The following MVB12B variants were observed in gnomAD, a reference collection of about 807,000 sequenced individuals.
MVB12B encodes the protein ESCRT-I complex subunit MVB12B.
A neutral mutation model predicts 41.6 loss-of-function variants in MVB12B; 16 were observed. The ratio of observed to expected loss-of-function variants is 0.38; its 90% CI spans 0.26 to 0.58. MVB12B has a LOEUF of 0.58. Among genes scored for constraint, MVB12B ranks in the 20% least tolerant of loss-of-function variants. The pLI, the probability that MVB12B is intolerant of heterozygous loss-of-function variation, is 0.62. For missense variants in MVB12B, 274 were observed against 380.2 expected, an observed-to-expected ratio of 0.72 and a Z score of 2.32; for synonymous variants, 133 against 139.7, an observed-to-expected ratio of 0.95 and a Z score of 0.34.
chr9:126,408,999 G>T (rs1195504967), intron 6 of MVB12B, among the ~76,000 whole-genome samples: 1 of 152,064 alleles, frequency 6.6e-6, no homozygotes, highest in Non-Finnish European at 1.5e-5. Context: ...GGTTTGGATG[G>T]CCACCTTGTC....
intron 6 of MVB12B, chr9:126,397,323 A>T (rs1220418854): frequency 1.0e-6 from 1 of 985,314 alleles, no homozygotes; most frequent in African/African-American, 1.7e-5. Context: ...TGACTGTGAG[A>T]GCAAAGTCAC....
intron 2 of MVB12B, among the ~76,000 whole-genome samples, chr9:126,364,392 T>C (rs1038167048): frequency 6.6e-6 from 1 of 152,174 alleles, no homozygotes; most frequent in African/African-American, 2.4e-5. Flanking sequence ...CAGGGCCCCT[T>C]TGTTAAAACC....
At chr9:126,490,874 C>A (rs538533378) in intron 9 of MVB12B, among the ~76,000 whole-genome samples, 2 of 152,304 alleles carry the variant, frequency 1.3e-5, no homozygotes, top group South Asian at 2.1e-4. Context: ...GTGGAATGTT[C>A]TTTAAATGAA....
rs760736690 is a variant in MVB12B at position 126,503,193 on chromosome 9, G to A, written c.890G>A (p.Arg297His). The A allele has an allele frequency of 1.8e-5, 28 of 1,550,728 alleles. No individual in the cohort carries two copies. The highest frequency in any genetic ancestry group is 7.3e-5 in the East Asian group (3 of 40,936). Residue 297 changes from arginine to histidine, a missense_variant, in exon 10 of 10, where the codon CGC (arginine) becomes CAC (histidine). Coordinates refer to ENST00000361171, the MANE Select transcript of MVB12B (RefSeq NM_033446.3). ...EIEKEYEYSFRTEQSAAARLP... is the reference protein window; with the variant it reads ...EIEKEYEYSFHTEQSAAARLP... ...CCCCTGCAGTACGAGTACAGCTTCC[G>A]CACAGAGCAGAGCGCAGCCGCCAGG...
At chr9:126,397,643 C>T (rs760961426) in intron 6 of MVB12B, 240 of 985,256 alleles carry the variant, frequency 2.4e-4, no homozygotes, top group Non-Finnish European at 2.7e-4. Flanking sequence ...CCCAAGTTCT[C>T]CTGTGCGGTA....
At chr9:126,496,207 A>ACCCATCCATCCC (rs1833828892) in intron 9 of MVB12B, among the ~76,000 whole-genome samples, 1 of 21,064 alleles carries the variant, frequency 4.7e-5, no homozygotes, top group African/African-American at 1.9e-4. Context: ...CCACCTACCC[A>ACCCATCCATCCC]CCCGTCCATC....
At chr9:126,407,862 G>A (rs1831491975) in intron 6 of MVB12B, among the ~76,000 whole-genome samples, 1 of 152,130 alleles carries the variant, frequency 6.6e-6, no homozygotes, top group South Asian at 2.1e-4. Context: ...GGAGCAGAAT[G>A]GTTCAGAAAC....
intron 6 of MVB12B, among the ~76,000 whole-genome samples, chr9:126,404,366 G>A (rs1354526511): frequency 6.6e-6 from 1 of 152,214 alleles, no homozygotes; most frequent in Non-Finnish European, 1.5e-5. Context: ...AGGTCATACA[G>A]TTAGCAAGTG....
intron 7 of MVB12B, among the ~76,000 whole-genome samples, chr9:126,434,782 T>A (rs921312492): frequency 1.3e-5 from 2 of 152,228 alleles, no homozygotes; most frequent in East Asian, 3.8e-4. Context: ...TGGCTATTTA[T>A]GCTTCTTGTA....
chr9:126,451,220 T>C (rs1832882167), intron 7 of MVB12B, among the ~76,000 whole-genome samples: 1 of 152,186 alleles, frequency 6.6e-6, no homozygotes, highest in Admixed American at 6.5e-5. Flanking sequence ...CGTCTTTGAC[T>C]GTAGAAACAA....
At chr9:126,489,936 C>T (rs1363702232) in intron 9 of MVB12B, among the ~76,000 whole-genome samples, 1 of 152,198 alleles carries the variant, frequency 6.6e-6, no homozygotes, top group Admixed American at 6.5e-5. Context: ...GTCCCCTCCC[C>T]TCCAGTTTGG....
intron 2 of MVB12B, among the ~76,000 whole-genome samples, chr9:126,351,643 C>G (rs1829752372): frequency 6.6e-6 from 1 of 152,124 alleles, no homozygotes; most frequent in Non-Finnish European, 1.5e-5. Context: ...GCATGTGCCA[C>G]CATGCCCAGC....
chr9:126,391,106 C>T lies in MVB12B; in HGVS notation c.410-960C>T, dbSNP rs558339542. Among the ~76,000 whole-genome samples, 2 of 152,278 alleles carry T rather than the reference C, an allele frequency of 1.3e-5. No individual in the cohort carries two copies. Among genetic ancestry groups the T allele is most frequent in the South Asian group, 4.1e-4 (2 of 4,830 alleles). Reference sequence around the variant, plus strand: ...GGAACTGTGTGACCGAGGTCCTGGGCCGACGCCAGCAGAGCTCAGCAAGAA... The same window carrying T: ...GGAACTGTGTGACCGAGGTCCTGGGTCGACGCCAGCAGAGCTCAGCAAGAA... On this transcript the variant is annotated intron_variant, in intron 4 of 9. Transcript: ENST00000361171. The surrounding 1 kb of genome is among the most constrained non-coding windows in gnomAD (Gnocchi z 4.4).
chr9:126,399,552 C>G (rs947072210), intron 6 of MVB12B, among the ~76,000 whole-genome samples: 2 of 152,152 alleles, frequency 1.3e-5, no homozygotes, highest in African/African-American at 4.8e-5. Context: ...TCAGAGCAGC[C>G]CCTCCACCGT....
chr9:126,337,864 C>T (rs952627308), intron 1 of MVB12B, among the ~76,000 whole-genome samples: 1 of 152,214 alleles, frequency 6.6e-6, no homozygotes, highest in African/African-American at 2.4e-5. Context: ...AGTCCTTAGC[C>T]GCGGGGCCAT....
chr9:126,377,589 G>A lies in MVB12B; in HGVS notation c.205-3475G>A, dbSNP rs897953909. On this transcript the variant is annotated intron_variant, in intron 2 of 9. Transcript: ENST00000361171. ...ACTGCCCTGATTGCAGAGTTGACTC[G>A]TTCATTTATTCTTTCAACAAGGTTT... 5.9e-5 allele frequency among the ~76,000 whole-genome samples: 9 copies of A among 152,154 alleles called. 1 individual carries two copies. Among genetic ancestry groups the A allele is most frequent in the Admixed American group, 4.6e-4 (7 of 15,294 alleles).
At chr9:126,409,369 C>T (rs1401257280) in intron 6 of MVB12B, among the ~76,000 whole-genome samples, 1 of 150,512 alleles carries the variant, frequency 6.6e-6, no homozygotes, top group East Asian at 2.0e-4. Context: ...CTTTACACCA[C>T]TCACAGGCGG....
In MVB12B at chr9:126,386,872, A is replaced by G. The variant is rs1830810672; in HGVS notation, c.409+214A>G. On this transcript the variant is annotated intron_variant, in intron 4 of 9. Coordinates refer to ENST00000361171, the MANE Select transcript of MVB12B (RefSeq NM_033446.3). The surrounding 1 kb of genome is among the most constrained non-coding windows in gnomAD (Gnocchi z 4.3). ...GGGTAGCAGCATGTAAATGAGCAGA[A>G]CGTGCCTTTCTTTTAGAATGGTGCT... is the stretch of plus-strand genomic sequence containing the variant. 6.6e-6 allele frequency among the ~76,000 whole-genome samples: 1 copy of G among 152,164 alleles called. No individual in the cohort carries two copies. Among genetic ancestry groups the G allele is most frequent in the Non-Finnish European group, 1.5e-5 (1 of 68,030 alleles).
intron 2 of MVB12B, among the ~76,000 whole-genome samples, chr9:126,370,201 G>A (rs988472227): frequency 6.6e-6 from 1 of 152,040 alleles, no homozygotes; most frequent in Non-Finnish European, 1.5e-5. Context: ...TAGAATTGCC[G>A]GTCATTTTCG....
Sources: gnomAD v4.1 joint callset for allele counts (sites outside exome capture counted in the v4.1 genomes callset) on GRCh38, gnomAD v4.1.1 for gene constraint, Gnocchi (gnomAD v3.1) non-coding constraint, MANE v1.5 for transcripts, NCBI Gene and HGNC (gene_info 2026-07-23, HGNC 2026-07-21) for gene names.